The following SYTL3 variants were observed in gnomAD, a reference collection of about 807,000 sequenced individuals.
The protein encoded by SYTL3 is synaptotagmin like 3.
A neutral mutation model predicts 82.1 loss-of-function variants in SYTL3; 88 were observed. The observed-to-expected ratio is 1.07, with a 90% confidence interval of 0.90 to 1.28. The LOEUF is 1.28. SYTL3 is among the 50% of genes most tolerant of loss of function. SYTL3 has a pLI of 0.00. For synonymous variants in SYTL3, 311 were observed against 289.4 expected (o/e 1.07, Z -0.76); for missense variants, 831 against 757.6 (o/e 1.10, Z -1.14).
chr6:158,705,168 G>GA (rs1781890071), intron 6 of SYTL3, among the ~76,000 whole-genome samples: 1 of 60,970 alleles, frequency 1.6e-5, no homozygotes, highest in Non-Finnish European at 3.2e-5. Flanking sequence ...GGGACCCAGG[G>GA]CAGGGTGACA....
intron 13 of SYTL3, among the ~76,000 whole-genome samples, chr6:158,754,173 C>T (rs540113208): frequency 5.3e-5 from 8 of 152,244 alleles, no homozygotes; most frequent in African/African-American, 1.9e-4. Context: ...ACATCAAATG[C>T]GAGGATCTAG....
intron 5 of SYTL3, among the ~76,000 whole-genome samples, chr6:158,672,643 T>A (rs772541287): frequency 6.6e-5 from 10 of 151,942 alleles, no homozygotes; most frequent in Non-Finnish European, 1.5e-4. Flanking sequence ...AATTTAATTT[T>A]TTTTTTGAGA....
rs192935028 is a variant in SYTL3 at position 158,679,820 on chromosome 6, C to G, written c.330-3105C>G. Among the ~76,000 whole-genome samples, 3 of 152,316 alleles carry G rather than the reference C, an allele frequency of 2.0e-5. No homozygotes were observed. In the East Asian group the frequency reaches 5.8e-4, roughly 29 times the overall value. ...CAATGTTCATTCACTTAGGCACTTT[C>G]ACCTTTTGCTCTTCCCTCACCTTAG... On this transcript the variant is annotated intron_variant, in intron 5 of 17. Transcript: ENST00000611299.
At chr6:158,725,242 T>G (rs949650277) in intron 10 of SYTL3, among the ~76,000 whole-genome samples, 17 of 152,198 alleles carry the variant, frequency 1.1e-4, no homozygotes, top group African/African-American at 4.1e-4. Context: ...AATCTACCCA[T>G]GACTGTTCAT....
At chr6:158,680,588 A>C (rs1462901142) in intron 5 of SYTL3, among the ~76,000 whole-genome samples, 2 of 149,310 alleles carry the variant, frequency 1.3e-5, no homozygotes, top group East Asian at 2.2e-4. Flanking sequence ...AAAAAAAAAA[A>C]AAAAAACACA....
intron 15 of SYTL3, among the ~76,000 whole-genome samples, chr6:158,761,593 C>G (rs370489290): frequency 3.3e-5 from 5 of 152,292 alleles, no homozygotes; most frequent in Admixed American, 6.5e-5. Context: ...CAGGCGTGAG[C>G]CACCACGCCC....
At chr6:158,653,224 A>G (rs758029694) in intron 2 of SYTL3, among the ~76,000 whole-genome samples, 5 of 152,044 alleles carry the variant, frequency 3.3e-5, no homozygotes, top group Non-Finnish European at 5.9e-5. Flanking sequence ...CTATGCAAGC[A>G]GGCCGGTCGC....
At chr6:158,734,244 G>A (rs1785843090) in intron 11 of SYTL3, among the ~76,000 whole-genome samples, 1 of 152,062 alleles carries the variant, frequency 6.6e-6, no homozygotes, top group African/African-American at 2.4e-5. Context: ...GGGTGGAGGG[G>A]TTGGGATGAG....
chr6:158,678,543 C>T (rs140285381), intron 5 of SYTL3, among the ~76,000 whole-genome samples: 16 of 152,262 alleles, frequency 1.1e-4, no homozygotes, highest in African/African-American at 3.6e-4. Flanking sequence ...TCTTATTGAA[C>T]GTTTGTGTGC....
chr6:158,682,148 AG>A (rs1445334945), intron 5 of SYTL3, among the ~76,000 whole-genome samples: 2 of 151,956 alleles, frequency 1.3e-5, no homozygotes, highest in East Asian at 3.9e-4. Context: ...CATGTTGGCC[AG>A]GCTGGTCTCG....
chr6:158,707,549 G>A (rs2128455034), intron 7 of SYTL3, among the ~76,000 whole-genome samples: 1 of 152,306 alleles, frequency 6.6e-6, no homozygotes, highest in South Asian at 2.1e-4. Context: ...GTGTTATAAG[G>A]AAACTAAATA....
At chr6:158,731,009 G>T (rs983663433) in intron 11 of SYTL3, among the ~76,000 whole-genome samples, 2 of 152,238 alleles carry the variant, frequency 1.3e-5, no homozygotes, top group Non-Finnish European at 2.9e-5. Context: ...TTCGGGCCGG[G>T]CGTGGTGGCT....
intron 8 of SYTL3, among the ~76,000 whole-genome samples, chr6:158,710,360 C>G (rs552665356): frequency 6.6e-6 from 1 of 152,166 alleles, no homozygotes; most frequent in African/African-American, 2.4e-5. Flanking sequence ...ATTGCATATA[C>G]AGTCACCCAA....
intron 5 of SYTL3, among the ~76,000 whole-genome samples, chr6:158,673,268 A>G (rs919379070): frequency 6.7e-6 from 1 of 150,326 alleles, no homozygotes; most frequent in Non-Finnish European, 1.5e-5. Context: ...AACAGTTTCT[A>G]ATATGTGTCT....
At chr6:158,702,866 A>G (rs1562395889) in intron 6 of SYTL3, among the ~76,000 whole-genome samples, 1 of 151,944 alleles carries the variant, frequency 6.6e-6, no homozygotes. Flanking sequence ...TCATTTATAA[A>G]ATTGGGGGCC....
intron 8 of SYTL3, among the ~76,000 whole-genome samples, chr6:158,711,424 C>G (rs751871331): frequency 6.6e-6 from 1 of 152,070 alleles, no homozygotes; most frequent in Non-Finnish European, 1.5e-5. Context: ...CTCACGTGAT[C>G]ACGGCAGCTG....
rs768465751 is a variant in SYTL3, at chr6:158,745,571, A to AT, written c.949dup (p.Cys317LeufsTer15). 4 of 1,613,768 alleles carry AT rather than the reference A, an allele frequency of 2.5e-6. No individual in the cohort carries two copies. The East Asian group carries it at 8.9e-5, about 36-fold the overall frequency. On this transcript the variant is annotated frameshift_variant, in exon 12 of 18. Transcript: ENST00000611299. LOFTEE classifies it high-confidence loss of function. ...GGAGAAATAGAATTTGCCATTCATTATTGCTTCAAAACCCATTCTTTAGAA... is the reference window on the plus strand; with the variant it reads ...GGAGAAATAGAATTTGCCATTCATTATTTGCTTCAAAACCCATTCTTTAGAA...
intron 6 of SYTL3, among the ~76,000 whole-genome samples, chr6:158,699,613 G>A (rs567555696): frequency 6.6e-6 from 1 of 152,110 alleles, no homozygotes; most frequent in African/African-American, 2.4e-5. Context: ...GCTGTGGGTA[G>A]AGGTTGTGAC....
In SYTL3 at chr6:158,760,692, G is replaced by C; in HGVS notation, c.1361G>C (p.Arg454Pro). The change falls in exon 15 of 18, where the codon CGG becomes CCG. Residue 454 changes from arginine to proline, a missense_variant. Coordinates refer to ENST00000611299, the MANE Select transcript of SYTL3 (RefSeq NM_001242394.2). Reference protein sequence around the residue: ...VPQSNGELTVRAKLVLPSRPR... With the variant: ...VPQSNGELTVPAKLVLPSRPR... The stretch of plus-strand genomic sequence containing the variant: ...CAGAGTAATGGAGAGCTCACAGTCC[G>C]GGCTAAGCTGGTTCTCCCTTCACGG... 1 of 1,614,084 alleles carries C rather than the reference G, an allele frequency of 6.2e-7. No homozygotes were observed. Among genetic ancestry groups the C allele is most frequent in the South Asian group, 1.1e-5 (1 of 91,070 alleles).
Sources: gnomAD v4.1 joint callset for allele counts (sites outside exome capture counted in the v4.1 genomes callset) on GRCh38, gnomAD v4.1.1 for gene constraint, MANE v1.5 for transcripts, NCBI Gene and HGNC (gene_info 2026-07-23, HGNC 2026-07-21) for gene names.